The following ARFGEF1 variants were observed in gnomAD, a reference collection of about 807,000 sequenced individuals.
The protein encoded by ARFGEF1 is brefeldin A-inhibited guanine nucleotide-exchange protein 1.
ARFGEF1 carries 42 observed loss-of-function variants against 231.0 expected under a neutral mutation model. That is an observed-to-expected ratio of 0.18 (90% CI 0.14 to 0.24). ARFGEF1 has a LOEUF of 0.24. ARFGEF1 is among the 10% of genes least tolerant of loss of function. The pLI, the probability that ARFGEF1 is intolerant of heterozygous loss-of-function variation, is 1.00. For missense variants in ARFGEF1, 1,345 were observed against 2,192.0 expected (o/e 0.61, Z 7.72); for synonymous variants, 710 against 732.3 (o/e 0.97, Z 0.49).
chr8:67,310,995 C>A (rs1460942427), intron 1 of ARFGEF1, among the ~76,000 whole-genome samples: 1 of 112,370 alleles, frequency 8.9e-6, no homozygotes, highest in African/African-American at 3.5e-5. Context: ...GGGGGGTCAG[C>A]CCCCCGCCCG....
intron 1 of ARFGEF1, among the ~76,000 whole-genome samples, chr8:67,317,117 A>C (rs572967971): frequency 1.9e-4 from 29 of 152,266 alleles, no homozygotes; most frequent in African/African-American, 6.5e-4. Flanking sequence ...GAGAGGGTAA[A>C]GCATTCTGAC....
chr8:67,299,149 G>T, intron 4 of ARFGEF1, 60 bp downstream of exon 4: 2 of 1,367,178 alleles, frequency 1.5e-6, no homozygotes, highest in South Asian at 2.9e-5. Context: ...TAAGGTGAAA[G>T]GCATCTGAAT....
intron 1 of ARFGEF1, among the ~76,000 whole-genome samples, chr8:67,303,019 C>T (rs925154643): frequency 6.6e-6 from 1 of 150,860 alleles, no homozygotes; most frequent in Non-Finnish European, 1.5e-5. Context: ...CCCTTGAGCC[C>T]AAGAGTTAAA....
intron 1 of ARFGEF1, among the ~76,000 whole-genome samples, chr8:67,313,668 C>T (rs184100969): frequency 2.6e-4 from 40 of 152,248 alleles, no homozygotes; most frequent in Admixed American, 3.3e-4. Context: ...GTAGAGGTGG[C>T]GGAGGGTGCA....
chr8:67,268,338 T>C (rs556720578), intron 10 of ARFGEF1, among the ~76,000 whole-genome samples: 1 of 152,186 alleles, frequency 6.6e-6, no homozygotes, highest in South Asian at 2.1e-4. Flanking sequence ...ACGTCCATAT[T>C]GCAGGGCACA....
In ARFGEF1 at chr8:67,266,882, T is replaced by G. The variant is rs779117076; in HGVS notation, c.1915A>C (p.Thr639Pro). 2 of 1,610,366 alleles carry G rather than the reference T, an allele frequency of 1.2e-6. No individual in the cohort carries two copies. Among genetic ancestry groups the G allele is most frequent in the African/African-American group, 2.7e-5 (2 of 74,688 alleles). ...GCTCAAAATATCACCTTACCAAGAG[T>G]TGTCTGGGAGTTGGGATTCACATAC... is the stretch of plus-strand genomic sequence containing the variant. ...DQYVNPNSQT[T>P]LGQEKPSEQE... The change falls in exon 13 of 39, where the codon ACT becomes CCT. Residue 639 changes from threonine (T) to proline (P), a missense_variant. By Grantham distance (38) the Thr-to-Pro change is conservative (BLOSUM62 -1). Coordinates refer to ENST00000262215, the MANE Select transcript of ARFGEF1 (RefSeq NM_006421.5).
intron 1 of ARFGEF1, among the ~76,000 whole-genome samples, chr8:67,331,886 AG>A (rs1293931045): frequency 6.6e-6 from 1 of 152,218 alleles, no homozygotes; most frequent in Non-Finnish European, 1.5e-5. Context: ...CCTTGCCTTA[AG>A]GAACAGTCAT....
intron 7 of ARFGEF1, among the ~76,000 whole-genome samples, chr8:67,279,658 A>G (rs1805455563): frequency 6.6e-6 from 1 of 152,174 alleles, no homozygotes; most frequent in Non-Finnish European, 1.5e-5. Flanking sequence ...TTTTCTTTTT[A>G]GACTTTGAAG....
intron 3 of ARFGEF1, 88 bp from the exon 4 acceptor site, chr8:67,299,443 A>T (rs1187122605): frequency 1.5e-5 from 18 of 1,206,796 alleles, no homozygotes; most frequent in Non-Finnish European, 1.9e-5. Flanking sequence ...TACAGTATAC[A>T]ATTGAATATA....
intron 8 of ARFGEF1, among the ~76,000 whole-genome samples, chr8:67,277,038 A>C (rs556928465): frequency 6.6e-6 from 1 of 152,162 alleles, no homozygotes; most frequent in Non-Finnish European, 1.5e-5. Context: ...ATGGGTGTGG[A>C]GAAGATGTAA....
In ARFGEF1 at chr8:67,287,974, C is replaced by G; in HGVS notation, c.1008G>C (p.Met336Ile). 6.3e-7 allele frequency: 1 copy of G among 1,590,750 alleles called. No individual in the cohort carries two copies. Among genetic ancestry groups the G allele is most frequent in the East Asian group, 2.3e-5 (1 of 43,554 alleles). The change falls in exon 7 of 39, where the codon ATG becomes ATC. Residue 336 changes from methionine (M) to isoleucine (I), a missense_variant. Physicochemically the swap from Met to Ile is conservative, Grantham distance 10 (BLOSUM62 1). Coordinates refer to ENST00000262215, the MANE Select transcript of ARFGEF1 (RefSeq NM_006421.5). ...QDIVQNIVEE[M>I]VNIVVGDMGE... ...TACTACCTCCAACAACAATGTTCAC[C>G]ATTTCTTCTACAATGTTCTGTACAA...
chr8:67,268,351 G>A (rs1351636665), intron 10 of ARFGEF1, among the ~76,000 whole-genome samples: 2 of 152,176 alleles, frequency 1.3e-5, no homozygotes, highest in East Asian at 1.9e-4. Flanking sequence ...AGGGCACATA[G>A]TAGGTGTTCA....
At chr8:67,285,602 T>A (rs1805725136) in intron 7 of ARFGEF1, among the ~76,000 whole-genome samples, 1 of 152,088 alleles carries the variant, frequency 6.6e-6, no homozygotes, top group Admixed American at 6.6e-5. Flanking sequence ...TGGCTATTAA[T>A]CACAAAGTGA....
At chr8:67,329,111 A>G (rs1324947923) in intron 1 of ARFGEF1, among the ~76,000 whole-genome samples, 5 of 152,114 alleles carry the variant, frequency 3.3e-5, no homozygotes, top group African/African-American at 9.7e-5. Flanking sequence ...CTGTAATCCC[A>G]GCTACCTGGG....
At chr8:67,289,724 A>G (rs1805927370) in intron 6 of ARFGEF1, among the ~76,000 whole-genome samples, 1 of 152,174 alleles carries the variant, frequency 6.6e-6, no homozygotes, top group African/African-American at 2.4e-5. Flanking sequence ...ATATGCATGT[A>G]AATGAGCAAC....
At chr8:67,309,106 G>A (rs1806876741) in intron 1 of ARFGEF1, among the ~76,000 whole-genome samples, 2 of 152,024 alleles carry the variant, frequency 1.3e-5, no homozygotes, top group East Asian at 1.9e-4. Flanking sequence ...CGACAACATA[G>A]GCAAGATATT....
At position 67,218,093 on chromosome 8, in the gene ARFGEF1, T is replaced by C. The variant is rs1478371319; in HGVS notation, c.4384A>G (p.Ile1462Val). ...TTTCNHALYA[I>V]CDVFTQYLEV... ...AAATACTGAGTGAATACATCACAGA[T>C]TGCATAAAGTGCATGATTGCAAGTT... The change falls in exon 31 of 39, where the codon ATC (isoleucine) becomes GTC (valine). Residue 1462 changes from isoleucine (I) to valine (V), a missense_variant. Transcript: ENST00000262215. The C allele has an allele frequency of 8.9e-6, 14 of 1,581,596 alleles. No homozygotes were observed. The highest frequency in any genetic ancestry group is 2.3e-5 in the East Asian group (1 of 43,978).
At chr8:67,288,256 T>C (rs1437952460) in intron 6 of ARFGEF1, among the ~76,000 whole-genome samples, 191 bp from the exon 7 acceptor site, 1 of 137,904 alleles carries the variant, frequency 7.3e-6, no homozygotes, top group East Asian at 2.2e-4. Context: ...TTTTCCAAAT[T>C]CAAGTCAATT....
Position 67,275,960 on chromosome 8 carries a change from A to C in ARFGEF1, c.1337+16T>G. The C allele has an allele frequency of 6.2e-7, 1 of 1,612,592 alleles. No homozygotes were observed. Among genetic ancestry groups the C allele is most frequent in the Non-Finnish European group, 8.5e-7 (1 of 1,179,078 alleles). ...TAAAAACCTCTATTTGTCAGGCAAA[A>C]CAGTTAATAACTTACTTTGGATCTG... On this transcript the variant is annotated intron_variant, in intron 9 of 38. Coordinates refer to ENST00000262215, the MANE Select transcript of ARFGEF1 (RefSeq NM_006421.5).
Sources: gnomAD v4.1 joint callset for allele counts (sites outside exome capture counted in the v4.1 genomes callset) on GRCh38, gnomAD v4.1.1 for gene constraint, MANE v1.5 for transcripts, NCBI Gene and HGNC (gene_info 2026-07-23, HGNC 2026-07-21) for gene names.